Variants in PES1 observed in about 807,000 individuals in gnomAD.
The protein encoded by PES1 is pescadillo homolog.
A neutral mutation model predicts 77.1 loss-of-function variants in PES1; 31 were observed. The ratio of observed to expected loss-of-function variants is 0.40; its 90% CI spans 0.30 to 0.54. PES1 has a LOEUF of 0.54. Ranked by LOEUF, PES1 falls within the 20% of genes least tolerant of loss-of-function variation. The probability of loss-of-function intolerance (pLI) is 0.45; values close to 1 mark genes in which losing one functional copy is unlikely to be tolerated. For missense variants in PES1, 658 were observed against 771.7 expected (o/e 0.85, Z 1.75); for synonymous variants, 282 against 303.0 (o/e 0.93, Z 0.72).
upstream of PES1, among the ~76,000 whole-genome samples, chr22:30,595,775 G>A (rs561747612): frequency 2.2e-4 from 34 of 152,172 alleles, 2 homozygotes; most frequent in South Asian, 7.1e-3. Flanking sequence ...GACCACGGAG[G>A]GAACATTTTG....
chr22:30,600,383 C>T (rs781022104), intron 2 of PES1, among the ~76,000 whole-genome samples: 2 of 152,142 alleles, frequency 1.3e-5, no homozygotes, highest in Non-Finnish European at 2.9e-5. Context: ...TCTTATATAA[C>T]ATAGATAAAG....
chr22:30,604,294 G>A (rs1034043347), intron 2 of PES1, among the ~76,000 whole-genome samples: 1 of 152,158 alleles, frequency 6.6e-6, no homozygotes, highest in Non-Finnish European at 1.5e-5. Flanking sequence ...AGTAAAAAAA[G>A]TAGTAGTCAC....
At chr22:30,588,383 CTGAGA>C (rs559787555) in intron 2 of PES1, among the ~76,000 whole-genome samples, 8 of 152,256 alleles carry the variant, frequency 5.3e-5, no homozygotes, top group Admixed American at 2.0e-4. Flanking sequence ...AAAGGCCTTT[CTGAGA>C]TATCAACATT....
upstream of PES1, chr22:30,592,172 G>A (rs895941809): frequency 1.5e-5 from 17 of 1,105,264 alleles, no homozygotes; most frequent in Non-Finnish European, 1.9e-5. Context: ...GTTGCATGTT[G>A]GGACGGAGAG....
In PES1 at chr22:30,581,366, T is replaced by A. The variant is rs42942; in HGVS notation, c.790A>T (p.Thr264Ser). The A allele has an allele frequency of 0.041, 65,794 of 1,613,706 alleles. 1,609 individuals carry two copies. The highest frequency in any genetic ancestry group is 0.09 in the African/African-American group (6,737 of 75,040). Residue 264 changes from threonine to serine, a missense_variant, in exon 8 of 15, where the codon ACC (threonine) becomes TCC (serine). Transcript: ENST00000354694. ...AQAEAKAGEG[T>S]YALDSESCME... Reference sequence around the variant, plus strand: ...CAACTCTCGGAGTCCAACGCGTAGGTGCCCTCACCGGCCTTTGCCTCTGCT... The same window carrying A: ...CAACTCTCGGAGTCCAACGCGTAGGAGCCCTCACCGGCCTTTGCCTCTGCT...
At chr22:30,595,678 G>A (rs1385326860), upstream of PES1, among the ~76,000 whole-genome samples, 2 of 152,096 alleles carry the variant, frequency 1.3e-5, no homozygotes, top group African/African-American at 4.8e-5. Context: ...CCCAGTGCCT[G>A]GTCCCAGTTC....
Position 30,591,910 on chromosome 22 carries a change from C to G in PES1, c.-77G>C. On this transcript the variant is annotated 5_prime_UTR_variant, in exon 1 of 15. Transcript: ENST00000354694. Reference sequence around the variant, plus strand: ...CCTCCCGCACGTGCCCTGCCAAGGACCCCGAGGACCCTCCCCACCCCACGC... The same window carrying G: ...CCTCCCGCACGTGCCCTGCCAAGGAGCCCGAGGACCCTCCCCACCCCACGC... 6.7e-7 allele frequency: 1 copy of G among 1,501,582 alleles called. No individual in the cohort carries two copies. The highest frequency in any genetic ancestry group is 2.6e-5 in the East Asian group (1 of 38,824). The allele number at this position is 1,501,582 out of a possible 1,614,324, so 93.0% of individuals were successfully genotyped here.
chr22:30,578,219 T>C (rs868025742), intron 14 of PES1, among the ~76,000 whole-genome samples: 1 of 152,182 alleles, frequency 6.6e-6, no homozygotes, highest in Non-Finnish European at 1.5e-5. Flanking sequence ...GAGACACAGT[T>C]TGCAGTGAGC....
rs767831615 is a variant in PES1 at position 30,584,456 on chromosome 22, TA to T, written c.541-3del. ...AATGCCTTTGATGGACAGGAAGACC[TA>T]GGGGAGAGGAGGAGACATCTGGGTG... On this transcript the variant is annotated splice_region_variant and splice_polypyrimidine_tract_variant and intron_variant, in intron 5 of 14. Coordinates refer to ENST00000354694, the MANE Select transcript of PES1 (RefSeq NM_014303.4). 1.2e-6 allele frequency: 2 copies of T among 1,611,630 alleles called. No homozygotes were observed. Among genetic ancestry groups the T allele is most frequent in the Non-Finnish European group, 8.5e-7 (1 of 1,178,824 alleles).
intron 2 of PES1, among the ~76,000 whole-genome samples, chr22:30,602,546 CTTTTTTTCTTTTCT>C (rs541220765): frequency 2.7e-5 from 4 of 149,896 alleles, no homozygotes; most frequent in African/African-American, 4.9e-5. Context: ...TTTTCTTTTC[CTTTTTTTCTTTTCT>C]TTTGATAAAG....
At chr22:30,591,712 C>T in intron 1 of PES1, 98 bp downstream of exon 1, 1 of 1,368,134 alleles carries the variant, frequency 7.3e-7, no homozygotes. Context: ...CCCGTCTTTC[C>T]AGTCTCCACG....
chr22:30,579,499 C>G, intron 12 of PES1, 196 bp from the exon 13 acceptor site: 1 of 869,110 alleles, frequency 1.2e-6, no homozygotes, highest in Non-Finnish European at 1.7e-6. Flanking sequence ...GACCCCCAGT[C>G]CTGAGCTCTG....
chr22:30,598,912 T>TTTTTTTTTA lies in PES1; in HGVS notation c.-660-6515_-660-6514insTAAAAAAAA, dbSNP rs761643665. Among the ~76,000 whole-genome samples, 330 of 116,344 alleles carry TTTTTTTTTA rather than the reference T, an allele frequency of 2.8e-3. 38 individuals are homozygous for TTTTTTTTTA. Among genetic ancestry groups the TTTTTTTTTA allele is most frequent in the African/African-American group, 7.9e-3 (232 of 29,346 alleles). The allele number at this position is 116,344 out of a possible 152,430, so 76.3% of individuals were successfully genotyped here. A position where few individuals can be genotyped will look rare whatever the true frequency, so the allele number is the denominator to read the frequency against. The stretch of plus-strand genomic sequence containing the variant: ...TTTTTTTTTTTTTTTTTTTTTTTTT[T>TTTTTTTTTA]TTGAGATGGAGTCCTGCTCTGTCAT... On this transcript the variant is annotated intron_variant, in intron 2 of 16. Coordinates refer to the PES1 transcript ENST00000402281.
At chr22:30,597,864 C>G (rs574833730) in intron 2 of PES1, among the ~76,000 whole-genome samples, 32 of 107,000 alleles carry the variant, frequency 3.0e-4, no homozygotes, top group Non-Finnish European at 5.0e-4. Context: ...GGTTTTTTTT[C>G]CACGCAGTTG....
At chr22:30,601,099 G>A (rs1458763333) in intron 2 of PES1, among the ~76,000 whole-genome samples, 2 of 152,064 alleles carry the variant, frequency 1.3e-5, no homozygotes, top group African/African-American at 4.8e-5. Context: ...TTCTGACCTC[G>A]AGTTATATAT....
chr22:30,590,685 T>C (rs919804349), intron 1 of PES1, among the ~76,000 whole-genome samples: 3 of 151,818 alleles, frequency 2.0e-5, no homozygotes, highest in African/African-American at 7.3e-5. Context: ...GGGAGGAGAG[T>C]TCAGCAATGT....
At position 30,588,227 on chromosome 22, in the gene PES1, C is replaced by T. The variant is rs563947442; in HGVS notation, c.105-53G>A. The T allele has an allele frequency of 3.1e-6, 5 of 1,609,646 alleles. No homozygotes were observed. The African/African-American group carries it at 6.7e-5, about 21-fold the overall frequency. On this transcript the variant is annotated intron_variant, in intron 2 of 14. Coordinates refer to ENST00000354694, the MANE Select transcript of PES1 (RefSeq NM_014303.4). ...CAGTTATGTGGGTAAAGGTGGGGAG[C>T]ACTGGCCACAGCTGGGCCTGGAAAA...
Position 30,599,851 on chromosome 22 carries a change from G to C in PES1, c.-661+5610C>G, listed in dbSNP as rs564420715. Among the ~76,000 whole-genome samples the C allele has an allele frequency of 2.6e-5, 4 of 152,246 alleles. No individual in the cohort carries two copies. The South Asian group carries it at 8.3e-4, about 32-fold the overall frequency. ...GCAGGCAGAGGTTGCGGTGAGCCGA[G>C]ATTGAGCCATTGCACTCCAGCCTGG... On this transcript the variant is annotated intron_variant, in intron 2 of 16. Transcript: ENST00000402281.
chr22:30,581,201 G>T, intron 8 of PES1, 100 bp from the exon 9 acceptor site: 1 of 1,349,202 alleles, frequency 7.4e-7, no homozygotes, highest in Non-Finnish European at 1.0e-6. Flanking sequence ...ATCAGCAGGT[G>T]TGGGTTCCAA....
Sources: allele counts gnomAD v4.1 joint callset (sites outside exome capture counted in the v4.1 genomes callset), GRCh38; gene constraint gnomAD v4.1.1; transcripts MANE v1.5; gene names NCBI Gene and HGNC (gene_info 2026-07-23, HGNC 2026-07-21).